The following DAB1 variants were observed in gnomAD, a reference collection of about 807,000 sequenced individuals.
The protein encoded by DAB1 is disabled homolog 1.
DAB1 carries 15 observed loss-of-function variants against 64.6 expected under a neutral mutation model. That is an observed-to-expected ratio of 0.23 (90% CI 0.16 to 0.36). DAB1 has a LOEUF of 0.36. DAB1 is among the 10% of genes least tolerant of loss of function. The pLI is 1.00. For missense variants in DAB1, 596 were observed against 706.7 expected (o/e 0.84, Z 1.78); for synonymous variants, 235 against 251.9 (o/e 0.93, Z 0.64).
chr1:57,946,678 C>A (rs1169395849), intron 5 of DAB1, among the ~76,000 whole-genome samples: 1 of 152,250 alleles, frequency 6.6e-6, no homozygotes, highest in East Asian at 1.9e-4. Flanking sequence ...GCCCTCTCCA[C>A]AAAGCCACCT....
intron 6 of DAB1, among the ~76,000 whole-genome samples, chr1:57,719,445 G>A (rs68107934): frequency 0.23 from 35,525 of 152,090 alleles, 4,390 homozygotes; most frequent in East Asian, 0.4. Context: ...AAGTTCCTCA[G>A]TGATATTGTT....
intron 3 of DAB1, among the ~76,000 whole-genome samples, chr1:58,505,379 A>G (rs543107300): frequency 6.6e-6 from 1 of 152,380 alleles, no homozygotes; most frequent in African/African-American, 2.4e-5. Flanking sequence ...GAGAGCGTGT[A>G]ACGTGGCTCA....
chr1:58,421,966 T>G (rs916956065), intron 3 of DAB1, among the ~76,000 whole-genome samples: 3 of 151,900 alleles, frequency 2.0e-5, no homozygotes, highest in Non-Finnish European at 4.4e-5. Flanking sequence ...TCTAGACCCC[T>G]GTTTTCTCTT....
intron 4 of DAB1, among the ~76,000 whole-genome samples, chr1:57,108,158 G>A (rs2100714024): frequency 6.6e-6 from 1 of 152,200 alleles, no homozygotes; most frequent in Non-Finnish European, 1.5e-5. Flanking sequence ...GGGTAAAAAC[G>A]CAAAATATCC....
chr1:57,441,923 A>G (rs1431429117), intron 7 of DAB1, among the ~76,000 whole-genome samples: 1 of 152,058 alleles, frequency 6.6e-6, no homozygotes, highest in Non-Finnish European at 1.5e-5. Flanking sequence ...TGTTCCCTTT[A>G]CTCCACAGCC....
At chr1:58,333,751 G>C (rs554986206) in intron 4 of DAB1, among the ~76,000 whole-genome samples, 1 of 152,190 alleles carries the variant, frequency 6.6e-6, no homozygotes, top group African/African-American at 2.4e-5. Context: ...ATCTAACACA[G>C]AGTAAGTTCT....
intron 3 of DAB1, among the ~76,000 whole-genome samples, chr1:58,386,600 CTT>C (rs958291276): frequency 6.6e-6 from 1 of 152,160 alleles, no homozygotes; most frequent in African/African-American, 2.4e-5. Flanking sequence ...GGTCTTACTA[CTT>C]TCTAGTTCTA....
At chr1:58,286,653 A>G (rs1661691578) in intron 4 of DAB1, among the ~76,000 whole-genome samples, 1 of 152,260 alleles carries the variant, frequency 6.6e-6, no homozygotes, top group Admixed American at 6.5e-5. Context: ...GCAATTATTA[A>G]AAAGTCAAGA....
At chr1:57,463,159 T>A (rs960918082) in intron 7 of DAB1, among the ~76,000 whole-genome samples, 1 of 152,310 alleles carries the variant, frequency 6.6e-6, no homozygotes. Context: ...AGGTACCAAC[T>A]GTACCACTTA....
chr1:58,406,113 T>C (rs1644613528), intron 3 of DAB1, among the ~76,000 whole-genome samples: 1 of 152,200 alleles, frequency 6.6e-6, no homozygotes, highest in South Asian at 2.1e-4. Flanking sequence ...TGCAAAATTG[T>C]GGCAGAATAG....
chr1:57,948,396 G>A (rs997577814), intron 5 of DAB1, among the ~76,000 whole-genome samples: 11 of 152,172 alleles, frequency 7.2e-5, no homozygotes, highest in African/African-American at 2.7e-4. Flanking sequence ...GTATCTGTGT[G>A]TTGCTTGTGT....
At chr1:57,923,560 C>T (rs1310677758) in intron 5 of DAB1, among the ~76,000 whole-genome samples, 3 of 152,220 alleles carry the variant, frequency 2.0e-5, no homozygotes, top group South Asian at 2.1e-4. Flanking sequence ...AAGCTGTCCT[C>T]CACAAAATCC....
At chr1:57,689,616 T>C (rs1646740146) in intron 6 of DAB1, among the ~76,000 whole-genome samples, 1 of 152,040 alleles carries the variant, frequency 6.6e-6, no homozygotes, top group Non-Finnish European at 1.5e-5. Flanking sequence ...CTATGATTAA[T>C]TTTTTTTAAA....
chr1:57,084,631 C>G (rs529820167), intron 4 of DAB1, among the ~76,000 whole-genome samples: 6 of 152,302 alleles, frequency 3.9e-5, no homozygotes, highest in Non-Finnish European at 7.4e-5. Flanking sequence ...TCTTTCTGCT[C>G]TCTCAGTGAG....
chr1:58,229,860 C>T (rs75774740), intron 4 of DAB1, among the ~76,000 whole-genome samples: 1,655 of 152,248 alleles, frequency 0.011, 29 homozygotes, highest in African/African-American at 0.037. Flanking sequence ...CACTATATTG[C>T]CTGAATACTA....
intron 3 of DAB1, among the ~76,000 whole-genome samples, chr1:58,352,473 T>C (rs1644067137): frequency 2.0e-5 from 3 of 152,186 alleles, no homozygotes; most frequent in Admixed American, 2.0e-4. Context: ...CTAACATTTG[T>C]AGAGAAAGGG....
intron 4 of DAB1, among the ~76,000 whole-genome samples, chr1:58,155,839 G>C (rs1478739957): frequency 6.6e-6 from 1 of 152,210 alleles, no homozygotes. Flanking sequence ...CATGATGAAA[G>C]ATTTCCAAGC....
intron 4 of DAB1, among the ~76,000 whole-genome samples, chr1:58,226,412 CAGAG>C (rs1432125162): frequency 6.6e-6 from 1 of 150,872 alleles, no homozygotes; most frequent in African/African-American, 2.4e-5. Context: ...AAAAAAAACT[CAGAG>C]AGGTTCACTT....
intron 2 of DAB1, among the ~76,000 whole-genome samples, chr1:57,268,435 C>G (rs148649631): frequency 1.2e-4 from 19 of 152,324 alleles, no homozygotes; most frequent in African/African-American, 4.6e-4. Flanking sequence ...CCAGATAACT[C>G]TTTGTGAATC....
Sources: allele counts gnomAD v4.1 joint callset (sites outside exome capture counted in the v4.1 genomes callset), GRCh38; gene constraint gnomAD v4.1.1; transcripts MANE v1.5; gene names NCBI Gene and HGNC (gene_info 2026-07-23, HGNC 2026-07-21).